Variants in ZNF33B observed in about 807,000 individuals in gnomAD.
ZNF33B encodes zinc finger protein 33B, also known as zinc finger protein 11b (KOX 2).
A neutral mutation model predicts 45.8 loss-of-function variants in ZNF33B; 29 were observed. That is an observed-to-expected ratio of 0.63 (90% CI 0.47 to 0.86). The LOEUF is 0.86. Ranked by LOEUF, ZNF33B falls within the 40% of genes least tolerant of loss-of-function variation. The pLI is 0.00. For synonymous variants in ZNF33B, 305 were observed against 307.8 expected, an observed-to-expected ratio of 0.99 and a Z score of 0.10; for missense variants, 831 against 909.9, an observed-to-expected ratio of 0.91 and a Z score of 1.12.
At chr10:42,614,654 T>C (rs1285919504) in intron 4 of ZNF33B, among the ~76,000 whole-genome samples, 2 of 152,038 alleles carry the variant, frequency 1.3e-5, no homozygotes, top group African/African-American at 4.8e-5. Context: ...AACAGGTGCA[T>C]AAAAAGATGT....
chr10:42,596,163 G>T (rs1458376692), intron 4 of ZNF33B, among the ~76,000 whole-genome samples: 1 of 151,704 alleles, frequency 6.6e-6, no homozygotes, highest in Non-Finnish European at 1.5e-5. Flanking sequence ...TCTAATATTA[G>T]AAAGTATAAT....
chr10:42,635,925 T>C (rs1180630345), intron 2 of ZNF33B, among the ~76,000 whole-genome samples: 2 of 150,448 alleles, frequency 1.3e-5, no homozygotes, highest in East Asian at 3.9e-4. Flanking sequence ...CGTCAAGATA[T>C]CGAGATCATC....
intron 4 of ZNF33B, among the ~76,000 whole-genome samples, chr10:42,608,384 G>T (rs1349845097): frequency 6.6e-6 from 1 of 152,112 alleles, no homozygotes; most frequent in Non-Finnish European, 1.5e-5. Flanking sequence ...CATTCCACTT[G>T]AAAACAGTGG....
chr10:42,593,077 TG>T lies in ZNF33B; in HGVS notation c.1872del (p.Thr625LeufsTer8), dbSNP rs1184443400. On this transcript the variant is annotated frameshift_variant, in exon 5 of 5. Coordinates refer to ENST00000359467, the MANE Select transcript of ZNF33B (RefSeq NM_006955.3). LOFTEE classifies it high-confidence loss of function. Reference protein sequence around the residue: ...CGKTFCQKSQLTQHQRIHIGE... With the variant: ...CGKTFCQKSQXTQHQRIHIGE... ...CCTATGTGAATTCTCTGATGCTGAG[TG>T]AGTTGTGACTTCTGGCAGAAGGTTT... is the stretch of plus-strand genomic sequence containing the variant. 6.2e-7 allele frequency: 1 copy of T among 1,614,026 alleles called. No individual in the cohort carries two copies.
downstream of ZNF33B, among the ~76,000 whole-genome samples, chr10:42,584,512 C>A (rs1443185831): frequency 6.6e-6 from 1 of 151,776 alleles, no homozygotes; most frequent in African/African-American, 2.4e-5. Flanking sequence ...AGGGGCCACC[C>A]CTTTCCTTTG....
At chr10:42,624,957 T>C (rs1264251607) in intron 4 of ZNF33B, among the ~76,000 whole-genome samples, 1 of 152,066 alleles carries the variant, frequency 6.6e-6, no homozygotes, top group Non-Finnish European at 1.5e-5. Context: ...TAATAAGCCT[T>C]AACACTGGAT....
Position 42,594,698 on chromosome 10 carries a change from T to A in ZNF33B, c.252A>T (p.Glu84Asp). 6.5e-7 allele frequency: 1 copy of A among 1,549,852 alleles called. No homozygotes were observed. Among genetic ancestry groups the A allele is most frequent in the East Asian group, 2.3e-5 (1 of 44,394 alleles). ...CTTTCAGGTGATCAGCTGTCCAGAC[T>A]TCTACAAACAAACAAAATTAATCTT... The part of the protein sequence containing the change: ...EEEFPSQSFP[E>D]VWTADHLKER... The change falls in exon 5 of 5, where the codon GAA (glutamate) becomes GAT (aspartate). Residue 84 changes from glutamate to aspartate, a missense_variant and splice_region_variant. By Grantham distance (45) the Glu-to-Asp change is conservative (BLOSUM62 2). Transcript: ENST00000359467.
intron 4 of ZNF33B, among the ~76,000 whole-genome samples, chr10:42,618,752 G>A (rs940072285): frequency 6.6e-6 from 1 of 152,116 alleles, no homozygotes; most frequent in African/African-American, 2.4e-5. Flanking sequence ...GGGCGTTTCT[G>A]CGAATTCTTC....
Position 42,581,264 on chromosome 10 carries a change from C to T in ZNF33B, c.74-6586G>A, listed in dbSNP as rs1354742100. ...GCTTTTGGAGGTTGAGGCAGGAGTT[C>T]GAGACCAGCCTGGCCAACATGGTGA... On this transcript the variant is annotated intron_variant, in intron 1 of 1. Coordinates refer to the ZNF33B transcript ENST00000462075. Among the ~76,000 whole-genome samples the T allele has an allele frequency of 4.0e-5, 6 of 151,828 alleles. No individual in the cohort carries two copies. In the South Asian group the frequency reaches 6.2e-4, roughly 16 times the overall value.
chr10:42,604,218 G>T (rs1486998405), intron 4 of ZNF33B, among the ~76,000 whole-genome samples: 4 of 152,156 alleles, frequency 2.6e-5, no homozygotes, highest in Non-Finnish European at 4.4e-5. Flanking sequence ...GTTGAGGCAG[G>T]TGGATCACCT....
intron 1 of ZNF33B, among the ~76,000 whole-genome samples, chr10:42,580,444 G>C (rs1226568812): frequency 2.0e-5 from 3 of 151,764 alleles, no homozygotes; most frequent in Admixed American, 6.6e-5. Context: ...TGCCATGTTG[G>C]CCAGGCTGGT....
At chr10:42,581,137 T>C (rs1197929441) in intron 1 of ZNF33B, among the ~76,000 whole-genome samples, 1 of 152,058 alleles carries the variant, frequency 6.6e-6, no homozygotes, top group Non-Finnish European at 1.5e-5. Context: ...ACGTATTTCC[T>C]TTTCTTTATG....
At chr10:42,627,426 TATTTTTA>T (rs1472394616) in intron 4 of ZNF33B, among the ~76,000 whole-genome samples, 1 of 152,266 alleles carries the variant, frequency 6.6e-6, no homozygotes, top group African/African-American at 2.4e-5. Flanking sequence ...TCTCATTTTA[TATTTTTA>T]ATCAATATTG....
chr10:42,592,820 T>C lies in ZNF33B; in HGVS notation c.2130A>G (p.Val710=). Residue 710 remains valine (V), a synonymous_variant, in exon 5 of 5, where the codon GTA becomes GTG. Coordinates refer to ENST00000359467, the MANE Select transcript of ZNF33B (RefSeq NM_006955.3). ...KSFSHKSSLT[V]HHRAHTGEKS... Reference sequence around the variant, plus strand: ...TCTCTCCTGTGTGAGCCCTGTGATGTACTGTGAGTGATGATTTGTGACTGA... The same window carrying C: ...TCTCTCCTGTGTGAGCCCTGTGATGCACTGTGAGTGATGATTTGTGACTGA... The C allele has an allele frequency of 6.2e-7, 1 of 1,614,168 alleles. No individual in the cohort carries two copies. Among genetic ancestry groups the C allele is most frequent in the Non-Finnish European group, 8.5e-7 (1 of 1,180,004 alleles).
chr10:42,634,032 T>G (rs1564530062), intron 2 of ZNF33B, among the ~76,000 whole-genome samples: 1 of 151,458 alleles, frequency 6.6e-6, no homozygotes, highest in Non-Finnish European at 1.5e-5. Flanking sequence ...TACAGAGACA[T>G]TTATAATACA....
chr10:42,599,417 T>C (rs552990651), intron 4 of ZNF33B, among the ~76,000 whole-genome samples: 59 of 151,890 alleles, frequency 3.9e-4, no homozygotes, highest in African/African-American at 1.4e-3. Flanking sequence ...CCTTTCTTCT[T>C]ATCCAACACA....
chr10:42,626,344 G>T (rs1838805225), intron 4 of ZNF33B, among the ~76,000 whole-genome samples: 2 of 152,104 alleles, frequency 1.3e-5, no homozygotes, highest in Non-Finnish European at 2.9e-5. Context: ...TATTATTTTT[G>T]TACTGTCTGT....
In ZNF33B at chr10:42,592,364, A is replaced by G. The variant is rs1837164560; in HGVS notation, c.*249T>C. ...TTTGCCAAAAACTTTCACAAATTCA[A>G]AAAAATCTGTGAGGTTTTATGCCAG... is the stretch of plus-strand genomic sequence containing the variant. On this transcript the variant is annotated 3_prime_UTR_variant, in exon 5 of 5. Transcript: ENST00000359467. 2 of 634,924 alleles carry G rather than the reference A, an allele frequency of 3.1e-6. No individual in the cohort carries two copies. Among genetic ancestry groups the G allele is most frequent in the Non-Finnish European group, 4.6e-6 (2 of 433,728 alleles). The allele number at this position is 634,924 out of a possible 1,614,324, so 39.3% of individuals were successfully genotyped here.
At chr10:42,635,464 T>C (rs149048927) in intron 2 of ZNF33B, among the ~76,000 whole-genome samples, 89 of 152,258 alleles carry the variant, frequency 5.8e-4, no homozygotes, top group African/African-American at 2.1e-3. Flanking sequence ...GGATTTGTAA[T>C]AATTCATTAA....
Sources: gnomAD v4.1 joint callset for allele counts (sites outside exome capture counted in the v4.1 genomes callset) on GRCh38, gnomAD v4.1.1 for gene constraint, MANE v1.5 for transcripts, NCBI Gene and HGNC (gene_info 2026-07-23, HGNC 2026-07-21) for gene names.